The following NCK2 variants were observed in gnomAD, a reference collection of about 807,000 sequenced individuals.
NCK2 encodes NCK adaptor protein 2.
In NCK2, 16 loss-of-function variants were observed where a neutral mutation model predicts 33.9. The ratio of observed to expected loss-of-function variants is 0.47; its 90% CI spans 0.32 to 0.72. NCK2 has a LOEUF of 0.72. Ranked by LOEUF, NCK2 falls within the 30% of genes least tolerant of loss-of-function variation. The pLI, the probability that NCK2 is intolerant of heterozygous loss-of-function variation, is 0.03. For missense variants in NCK2, 418 were observed against 537.3 expected, an observed-to-expected ratio of 0.78 and a Z score of 2.19; for synonymous variants, 273 against 239.9, an observed-to-expected ratio of 1.14 and a Z score of -1.27.
intron 2 of NCK2, among the ~76,000 whole-genome samples, chr2:105,831,163 T>C (rs760270079): frequency 3.3e-5 from 5 of 152,196 alleles, no homozygotes; most frequent in Non-Finnish European, 7.3e-5. Flanking sequence ...CTCATATTCA[T>C]GGATTAGAAG....
At chr2:105,826,214 G>A (rs1300226015) in intron 2 of NCK2, among the ~76,000 whole-genome samples, 1 of 152,212 alleles carries the variant, frequency 6.6e-6, no homozygotes, top group Admixed American at 6.5e-5. Context: ...GAAGTTCTGA[G>A]CAAAGCGGGA....
At chr2:105,824,969 T>C (rs759840609) in intron 2 of NCK2, among the ~76,000 whole-genome samples, 6 of 152,182 alleles carry the variant, frequency 3.9e-5, no homozygotes, top group Non-Finnish European at 7.4e-5. Context: ...GCATCAGGGA[T>C]TCCCCCAAGC....
At chr2:105,856,103 G>A (rs1677257133) in intron 3 of NCK2, among the ~76,000 whole-genome samples, 1 of 152,096 alleles carries the variant, frequency 6.6e-6, no homozygotes, top group African/African-American at 2.4e-5. Flanking sequence ...CAAAGTGCTG[G>A]GATTACAGGC....
intron 3 of NCK2, 80 bp downstream of exon 3, chr2:105,855,369 CAA>C (rs3832068): frequency 1.9e-4 from 142 of 744,122 alleles, no homozygotes; most frequent in African/African-American, 1.1e-3. Context: ...TTTGCTGTTT[CAA>C]AAAAAAAAAA....
chr2:105,818,316 A>G (rs1675580381), intron 2 of NCK2, among the ~76,000 whole-genome samples: 1 of 148,740 alleles, frequency 6.7e-6, no homozygotes, highest in South Asian at 2.2e-4. Context: ...ATTAGGAGAT[A>G]TACCTAATGT....
chr2:105,782,513 A>T (rs1446633800), intron 1 of NCK2, among the ~76,000 whole-genome samples: 1 of 152,204 alleles, frequency 6.6e-6, no homozygotes, highest in Non-Finnish European at 1.5e-5. Context: ...TCACTTGAGG[A>T]ATGCTGGCTA....
intron 1 of NCK2, among the ~76,000 whole-genome samples, chr2:105,769,867 C>T (rs948314514): frequency 1.3e-5 from 2 of 152,170 alleles, no homozygotes; most frequent in Admixed American, 6.5e-5. Context: ...CTCCTCCTTC[C>T]GTGTGTGATG....
At chr2:105,854,847 T>G in intron 2 of NCK2, 3 of 509,464 alleles carry the variant, frequency 5.9e-6, no homozygotes, top group Admixed American at 3.3e-5. Context: ...TAAGATTTGT[T>G]TTATAAGGTT....
chr2:105,885,349 A>G (rs1678682188), intron 4 of NCK2, among the ~76,000 whole-genome samples: 1 of 152,350 alleles, frequency 6.6e-6, no homozygotes, highest in East Asian at 1.9e-4. Context: ...GGATAATTTA[A>G]TGCACATATT....
At chr2:105,807,570 A>AGG (rs918233323) in intron 1 of NCK2, among the ~76,000 whole-genome samples, 2 of 152,004 alleles carry the variant, frequency 1.3e-5, no homozygotes. Context: ...GGGTGGTGTG[A>AGG]GGGTGACCAT....
intron 1 of NCK2, among the ~76,000 whole-genome samples, chr2:105,801,023 A>G (rs1256117258): frequency 6.6e-6 from 1 of 152,244 alleles, no homozygotes; most frequent in African/African-American, 2.4e-5. Flanking sequence ...AAAAAGCAGA[A>G]GCAGGGAAGA....
intron 1 of NCK2, among the ~76,000 whole-genome samples, chr2:105,778,040 A>T (rs1376403493): frequency 6.6e-6 from 1 of 152,088 alleles, no homozygotes; most frequent in African/African-American, 2.4e-5. Context: ...CACCTTCTTC[A>T]GCTGTGCTTG....
At chr2:105,846,246 C>T (rs1367180616) in intron 2 of NCK2, among the ~76,000 whole-genome samples, 1 of 152,060 alleles carries the variant, frequency 6.6e-6, no homozygotes, top group East Asian at 1.9e-4. Flanking sequence ...GACAGTGCCA[C>T]CACTTCTTTT....
chr2:105,779,089 T>G (rs1690402601), intron 1 of NCK2, among the ~76,000 whole-genome samples: 1 of 152,058 alleles, frequency 6.6e-6, no homozygotes, highest in South Asian at 2.1e-4. Flanking sequence ...GGTGGATCAC[T>G]TGAGGTCATG....
intron 1 of NCK2, among the ~76,000 whole-genome samples, chr2:105,810,423 CCT>C (rs1313480532): frequency 6.6e-6 from 1 of 152,118 alleles, no homozygotes; most frequent in Non-Finnish European, 1.5e-5. Context: ...CTCTTCCCTC[CCT>C]CTTTCCTTCC....
chr2:105,766,988 T>G (rs1417361868), intron 1 of NCK2, among the ~76,000 whole-genome samples: 1 of 152,284 alleles, frequency 6.6e-6, no homozygotes, highest in East Asian at 1.9e-4. Flanking sequence ...TGGGAGGAAC[T>G]CTTCTCACCT....
At chr2:105,785,498 G>T (rs918601641) in intron 1 of NCK2, among the ~76,000 whole-genome samples, 1 of 152,154 alleles carries the variant, frequency 6.6e-6, no homozygotes, top group African/African-American at 2.4e-5. Context: ...CCAAAAGACC[G>T]CCAATACAAA....
At chr2:105,750,290 G>A (rs1376585791) in intron 1 of NCK2, among the ~76,000 whole-genome samples, 2 of 152,238 alleles carry the variant, frequency 1.3e-5, no homozygotes, top group African/African-American at 4.8e-5. Flanking sequence ...CTGTCCTGTT[G>A]GATGAGGGCC....
At chr2:105,767,458 C>T (rs963894756) in intron 1 of NCK2, among the ~76,000 whole-genome samples, 2 of 152,180 alleles carry the variant, frequency 1.3e-5, no homozygotes, top group Non-Finnish European at 2.9e-5. Context: ...TTAGGAATAT[C>T]TGTTACTCTT....
Sources: allele counts gnomAD v4.1 joint callset (sites outside exome capture counted in the v4.1 genomes callset), GRCh38; gene constraint gnomAD v4.1.1; transcripts MANE v1.5; gene names NCBI Gene and HGNC (gene_info 2026-07-23, HGNC 2026-07-21).